DUSP22: variants seen among roughly 807,000 people sequenced by gnomAD.
DUSP22 encodes dual specificity phosphatase 22.
In DUSP22, 24 loss-of-function variants were observed where a neutral mutation model predicts 24.5. The ratio of observed to expected loss-of-function variants is 0.98; its 90% CI spans 0.71 to 1.38. The LOEUF is 1.38. Ranked by LOEUF, DUSP22 falls within the 40% of genes most tolerant of loss-of-function variation. DUSP22 has a pLI of 0.00. For missense variants in DUSP22, 330 were observed against 269.2 expected (o/e 1.23, Z -1.58); for synonymous variants, 160 against 106.4 (o/e 1.50, Z -3.10).
chr6:322,841 G>GGGGGC (rs1758672741), intron 3 of DUSP22, among the ~76,000 whole-genome samples: 143 of 144,462 alleles, frequency 9.9e-4, no homozygotes, highest in African/African-American at 3.6e-3. Context: ...GGGGCGGGGG[G>GGGGGC]GGGCCTTCGA....
In DUSP22 at chr6:349,903, C is replaced by T; in HGVS notation, c.*952C>T. Reference sequence around the variant, plus strand: ...GCACCCCCTCCTCTCTGCTCCTTGCCAGCTTCATTCACTCCCAGCCTCTCG... The same window carrying T: ...GCACCCCCTCCTCTCTGCTCCTTGCTAGCTTCATTCACTCCCAGCCTCTCG... On this transcript the variant is annotated 3_prime_UTR_variant, in exon 7 of 7. Coordinates refer to ENST00000419235, the MANE Select transcript of DUSP22 (RefSeq NM_001286555.3). 1 of 985,898 alleles carries T rather than the reference C, an allele frequency of 1.0e-6. No homozygotes were observed. Among genetic ancestry groups the T allele is most frequent in the Non-Finnish European group, 1.2e-6 (1 of 830,222 alleles). 61.1% of individuals were successfully genotyped at this position (985,898 alleles called of 1,614,324 possible).
At chr6:295,949 AGCATAAGTAAT>A (rs1230770042) in intron 1 of DUSP22, among the ~76,000 whole-genome samples, 1 of 152,286 alleles carries the variant, frequency 6.6e-6, no homozygotes, top group Non-Finnish European at 1.5e-5. Context: ...GAGGTTAGGT[AGCATAAGTAAT>A]GCCAGGCAGG....
intron 5 of DUSP22, among the ~76,000 whole-genome samples, chr6:346,471 C>A (rs1353016092): frequency 6.6e-6 from 1 of 150,742 alleles, no homozygotes; most frequent in Non-Finnish European, 1.5e-5. Context: ...GAAAAGAAAG[C>A]TACTGTATCA....
chr6:295,795 G>C (rs1581138219), intron 1 of DUSP22, among the ~76,000 whole-genome samples: 1 of 104,082 alleles, frequency 9.6e-6, no homozygotes, highest in South Asian at 2.8e-4. Context: ...GCGAGACCCT[G>C]TTTCAAAAAA....
At chr6:341,134 C>A (rs759681923) in intron 4 of DUSP22, among the ~76,000 whole-genome samples, 1 of 152,292 alleles carries the variant, frequency 6.6e-6, no homozygotes, top group Non-Finnish European at 1.5e-5. Context: ...CGGGCAGGAG[C>A]GGGCATGATA....
intron 2 of DUSP22, among the ~76,000 whole-genome samples, chr6:309,918 G>T (rs1757995383): frequency 6.6e-6 from 1 of 152,292 alleles, no homozygotes; most frequent in African/African-American, 2.4e-5. Flanking sequence ...CCAGAACCAT[G>T]ATAATTAAAC....
chr6:298,552 G>C (rs12333050), intron 1 of DUSP22, among the ~76,000 whole-genome samples: 16,131 of 147,662 alleles, frequency 0.11, 47 homozygotes, highest in East Asian at 0.29. Flanking sequence ...ATTCTTTTGT[G>C]CTTAAGTGCG....
At chr6:336,062 C>T (rs4260783) in intron 4 of DUSP22, among the ~76,000 whole-genome samples, 690 of 152,190 alleles carry the variant, frequency 4.5e-3, no homozygotes, top group Non-Finnish European at 7.1e-3. Flanking sequence ...TTTAGCAGTC[C>T]GTCTTGGCTG....
At chr6:310,485 G>A (rs1378149717) in intron 2 of DUSP22, among the ~76,000 whole-genome samples, 1 of 152,302 alleles carries the variant, frequency 6.6e-6, no homozygotes, top group African/African-American at 2.4e-5. Context: ...TTCATATGGA[G>A]ATAATTTAAT....
intron 2 of DUSP22, among the ~76,000 whole-genome samples, chr6:307,435 G>A (rs964651782): frequency 3.3e-5 from 5 of 152,304 alleles, no homozygotes; most frequent in Non-Finnish European, 7.3e-5. Flanking sequence ...TCCACAAATG[G>A]TTTTGTAGCG....
At chr6:332,960 T>A (rs1759202583) in intron 3 of DUSP22, among the ~76,000 whole-genome samples, 1 of 152,304 alleles carries the variant, frequency 6.6e-6, no homozygotes, top group Non-Finnish European at 1.5e-5. Context: ...AAGAAGTGAA[T>A]GAGTCATTTC....
intron 1 of DUSP22, among the ~76,000 whole-genome samples, chr6:299,255 C>T (rs894078983): frequency 2.0e-5 from 3 of 152,306 alleles, no homozygotes; most frequent in Non-Finnish European, 4.4e-5. Context: ...CCTGACTGGT[C>T]AGCCAGGTTG....
intron 4 of DUSP22, among the ~76,000 whole-genome samples, chr6:337,612 G>A (rs1384380960): frequency 6.6e-6 from 1 of 152,300 alleles, no homozygotes; most frequent in Non-Finnish European, 1.5e-5. Flanking sequence ...TGAAGGACTA[G>A]CCCATACTTT....
intron 3 of DUSP22, among the ~76,000 whole-genome samples, chr6:322,399 G>T (rs932613880): frequency 6.6e-6 from 1 of 152,298 alleles, no homozygotes; most frequent in Non-Finnish European, 1.5e-5. Context: ...AGTCCTTGGG[G>T]TTCCCTGCAG....
chr6:313,872 T>A (rs986099618), intron 3 of DUSP22, among the ~76,000 whole-genome samples: 1 of 152,304 alleles, frequency 6.6e-6, no homozygotes, highest in African/African-American at 2.4e-5. Context: ...CAAAAGTTAT[T>A]TGAATTGGTG....
intron 1 of DUSP22, among the ~76,000 whole-genome samples, chr6:300,545 A>G (rs1324272069): frequency 1.3e-5 from 2 of 152,310 alleles, no homozygotes; most frequent in Non-Finnish European, 2.9e-5. Flanking sequence ...AAAGAGGAGC[A>G]CATGAGTGGG....
chr6:301,071 A>G (rs951417331), intron 1 of DUSP22, among the ~76,000 whole-genome samples: 4 of 152,304 alleles, frequency 2.6e-5, no homozygotes, highest in African/African-American at 9.6e-5. Flanking sequence ...ACACCCATGT[A>G]GCAGCAAAGG....
chr6:333,432 CTG>C (rs1759224063), intron 3 of DUSP22, among the ~76,000 whole-genome samples: 1 of 152,306 alleles, frequency 6.6e-6, no homozygotes, highest in Non-Finnish European at 1.5e-5. Context: ...TGTACAGAAA[CTG>C]TGAGGGAGAA....
chr6:318,860 G>A (rs747892948), intron 3 of DUSP22, among the ~76,000 whole-genome samples: 28 of 152,408 alleles, frequency 1.8e-4, no homozygotes, highest in East Asian at 1.9e-4. Flanking sequence ...AGGAATACTC[G>A]GCAGCAATTC....
Sources: allele counts gnomAD v4.1 joint callset (sites outside exome capture counted in the v4.1 genomes callset), GRCh38; gene constraint gnomAD v4.1.1; transcripts MANE v1.5; gene names NCBI Gene and HGNC (gene_info 2026-07-23, HGNC 2026-07-21).